GANC: variants seen among roughly 807,000 people sequenced by gnomAD.
The protein encoded by GANC is neutral alpha-glucosidase C.
In GANC, 117 loss-of-function variants were observed where a neutral mutation model predicts 124.2. The ratio of observed to expected loss-of-function variants is 0.94; its 90% CI spans 0.81 to 1.10. The LOEUF (loss-of-function observed/expected upper bound fraction) is 1.10, where lower values mean the gene tolerates loss of function less well. Among genes scored for constraint, GANC ranks in the 50% least tolerant of loss-of-function variants. The pLI is 0.00. For synonymous variants in GANC, 377 were observed against 376.8 expected (o/e 1.00, Z -0.01); for missense variants, 1,140 against 1,095.0 (o/e 1.04, Z -0.58).
Position 42,328,380 on chromosome 15 carries a change from C to G in GANC, c.1501-926C>G, listed in dbSNP as rs2141062778. On this transcript the variant is annotated intron_variant, in intron 13 of 23. Coordinates refer to ENST00000318010, the MANE Select transcript of GANC (RefSeq NM_198141.3). ...AGTTGAAAATATTTACTATCTGGAC[C>G]TTTACCAAAAATGTTTGCCAATCCC... 2.0e-5 allele frequency among the ~76,000 whole-genome samples: 3 copies of G among 152,102 alleles called. No individual in the cohort carries two copies. The East Asian group carries it at 5.8e-4, about 29-fold the overall frequency.
chr15:42,307,022 A>G (rs1188877896), intron 7 of GANC, among the ~76,000 whole-genome samples: 1 of 152,178 alleles, frequency 6.6e-6, no homozygotes, highest in Non-Finnish European at 1.5e-5. Flanking sequence ...CATCATTCAC[A>G]TGGGTATCAC....
In GANC at chr15:42,310,797, G is replaced by A. The variant is rs1190897730; in HGVS notation, c.1008G>A (p.Leu336=). The change falls in exon 10 of 24, where the codon CTG becomes CTA. Residue 336 remains leucine (L), a synonymous_variant. Transcript: ENST00000318010. Reference sequence around the variant, plus strand: ...GTGGCATCATTGATGTTTTTCTGCTGACAGGACCTACACCTTCTGATGTCT... The same window carrying A: ...GTGGCATCATTGATGTTTTTCTGCTAACAGGACCTACACCTTCTGATGTCT... ...SESGIIDVFL[L]TGPTPSDVFK... 1 of 1,613,870 alleles carries A rather than the reference G, an allele frequency of 6.2e-7. No individual in the cohort carries two copies. The highest frequency in any genetic ancestry group is 2.2e-5 in the East Asian group (1 of 44,868).
At chr15:42,301,476 G>T (rs1320190446) in intron 6 of GANC, among the ~76,000 whole-genome samples, 6 of 151,588 alleles carry the variant, frequency 4.0e-5, no homozygotes, top group African/African-American at 1.5e-4. Context: ...TCATACCCCA[G>T]TGGCGCCTGG....
At position 42,353,246 on chromosome 15, in the gene GANC, C is replaced by T. The variant is rs556278845; in HGVS notation, c.*1107C>T. 3 of 986,106 alleles carry T rather than the reference C, an allele frequency of 3.0e-6. No individual in the cohort carries two copies. The highest frequency in any genetic ancestry group is 3.5e-5 in the African/African-American group (2 of 57,320). The allele number at this position is 986,106 out of a possible 1,614,324, so 61.1% of individuals were successfully genotyped here. A position where few individuals can be genotyped will look rare whatever the true frequency, so the allele number is the denominator to read the frequency against. On this transcript the variant is annotated 3_prime_UTR_variant, in exon 24 of 24. Transcript: ENST00000318010. ...CTCGACTCCTCAGCACTCCTCAGCA[C>T]ACACCTCTTCTTATCAGGCTTCCTC...
chr15:42,306,418 T>C (rs1457177457), intron 6 of GANC, 128 bp from the exon 7 acceptor site: 15 of 694,056 alleles, frequency 2.2e-5, no homozygotes, highest in Non-Finnish European at 3.7e-5. Context: ...CGTCACACAC[T>C]GGTCTTCTAA....
At position 42,276,358 on chromosome 15, in the gene GANC, G is replaced by A. The variant is rs1224277830; in HGVS notation, c.40G>A (p.Glu14Lys). ...AVKEEISLED[E>K]AVDKNIFRDC... ...TGTCTTTTTATTTAGTCTTGAAGAT[G>A]AAGCTGTAGATAAAAACATTTTCAG... Residue 14 changes from glutamate to lysine, a missense_variant, in exon 2 of 24, where the codon GAA (glutamate) becomes AAA (lysine). Glu to Lys is a moderately conservative substitution (Grantham distance 56, BLOSUM62 1). Coordinates refer to ENST00000318010, the MANE Select transcript of GANC (RefSeq NM_198141.3). The A allele has an allele frequency of 2.7e-6, 4 of 1,457,546 alleles. No individual in the cohort carries two copies. In the South Asian group the frequency reaches 3.4e-5, roughly 13 times the overall value. 90.3% of individuals were successfully genotyped at this position (1,457,546 alleles called of 1,614,324 possible).
At chr15:42,301,356 T>C (rs1484588702) in intron 6 of GANC, among the ~76,000 whole-genome samples, 1 of 152,106 alleles carries the variant, frequency 6.6e-6, no homozygotes, top group Admixed American at 6.5e-5. Flanking sequence ...CCCATGGTCT[T>C]GGTAACCCAC....
At chr15:42,311,771 T>A (rs1402753116) in intron 10 of GANC, among the ~76,000 whole-genome samples, 1 of 151,858 alleles carries the variant, frequency 6.6e-6, no homozygotes, top group African/African-American at 2.4e-5. Flanking sequence ...CCCACCAGGC[T>A]CCTCTTCCAA....
At chr15:42,318,316 T>C (rs1278451909) in intron 10 of GANC, among the ~76,000 whole-genome samples, 1 of 152,228 alleles carries the variant, frequency 6.6e-6, no homozygotes, top group African/African-American at 2.4e-5. Flanking sequence ...GGAGGTACTC[T>C]TTTTGCTTCC....
intron 2 of GANC, among the ~76,000 whole-genome samples, 179 bp downstream of exon 2, chr15:42,276,589 AT>A (rs577537409): frequency 6.6e-6 from 1 of 152,330 alleles, no homozygotes; most frequent in East Asian, 1.9e-4. Flanking sequence ...AAGTATTTAA[AT>A]TTTTCAATAA....
rs372974307 is a variant in GANC, at chr15:42,340,767, GT to G, written c.2152+30del. ...GAATACATGCTGGGTGAGCATTTCTGTTTTTTTTTTTTTTTTTGAGACGGAG... is the reference window on the plus strand; with the variant it reads ...GAATACATGCTGGGTGAGCATTTCTGTTTTTTTTTTTTTTTTGAGACGGAG... On this transcript the variant is annotated intron_variant, in intron 18 of 23. Transcript: ENST00000318010. 0.065 allele frequency: 86,939 copies of G among 1,343,984 alleles called. 13 individuals are homozygous for G. The highest frequency in any genetic ancestry group is 0.08 in the East Asian group (3,049 of 38,066). The allele number at this position is 1,343,984 out of a possible 1,614,324, so 83.3% of individuals were successfully genotyped here.
chr15:42,332,355 T>C (rs1595781074), intron 15 of GANC, among the ~76,000 whole-genome samples: 1 of 152,174 alleles, frequency 6.6e-6, no homozygotes, highest in East Asian at 1.9e-4. Context: ...AATGAAAACA[T>C]TTACCAGCAA....
intron 11 of GANC, among the ~76,000 whole-genome samples, chr15:42,323,268 A>C (rs1659220): frequency 0.96 from 146,500 of 152,262 alleles, 70,673 homozygotes; most frequent in Non-Finnish European, 1. Context: ...TAGTTATTTA[A>C]TGAGGCCTTG....
At chr15:42,314,175 T>C (rs1294706779) in intron 10 of GANC, 5 of 761,150 alleles carry the variant, frequency 6.6e-6, no homozygotes, top group Non-Finnish European at 1.2e-5. Flanking sequence ...GGATATGGGA[T>C]TGGACAAGTT....
intron 17 of GANC, 117 bp downstream of exon 17, chr15:42,340,029 T>C (rs2052317789): frequency 2.2e-6 from 3 of 1,347,794 alleles, no homozygotes; most frequent in East Asian, 4.6e-5. Flanking sequence ...AAAAGCTACA[T>C]GTTTAATCAA....
intron 15 of GANC, among the ~76,000 whole-genome samples, chr15:42,333,023 A>AAATAT (rs1555415200): frequency 2.1e-5 from 3 of 140,412 alleles, no homozygotes; most frequent in Non-Finnish European, 4.6e-5. Flanking sequence ...TGTCTCAAAA[A>AAATAT]ATATATATAT....
intron 1 of GANC, among the ~76,000 whole-genome samples, chr15:42,274,898 C>CA (rs557992902): frequency 6.3e-4 from 93 of 148,352 alleles, no homozygotes; most frequent in East Asian, 3.9e-4. Context: ...ACCCTGTCTC[C>CA]AAAAAAAAAG....
intron 10 of GANC, among the ~76,000 whole-genome samples, chr15:42,320,187 A>G (rs559189969): frequency 8.8e-6 from 1 of 114,030 alleles, no homozygotes; most frequent in Non-Finnish European, 1.9e-5. Flanking sequence ...CATCTTAAAA[A>G]TAAATTAATT....
intron 19 of GANC, among the ~76,000 whole-genome samples, chr15:42,343,761 G>A (rs2052344366): frequency 6.6e-6 from 1 of 152,162 alleles, no homozygotes; most frequent in African/African-American, 2.4e-5. Flanking sequence ...CAGGCAGAGA[G>A]CCATGGGTAA....
Sources: allele counts gnomAD v4.1 joint callset (sites outside exome capture counted in the v4.1 genomes callset), GRCh38; gene constraint gnomAD v4.1.1; transcripts MANE v1.5; gene names NCBI Gene and HGNC (gene_info 2026-07-23, HGNC 2026-07-21).